UPF1: variants seen among roughly 807,000 people sequenced by gnomAD.
The protein encoded by UPF1 is UPF1 RNA helicase and ATPase, also known as regulator of nonsense transcripts 1.
A neutral mutation model predicts 129.2 loss-of-function variants in UPF1; 9 were observed. The ratio of observed to expected loss-of-function variants is 0.07; its 90% CI spans 0.04 to 0.12. The LOEUF is 0.12. Ranked by LOEUF, UPF1 falls within the 10% of genes least tolerant of loss-of-function variation. The pLI is 1.00. For missense variants in UPF1, 788 were observed against 1,525.3 expected, an observed-to-expected ratio of 0.52 and a Z score of 8.05; for synonymous variants, 649 against 644.9, an observed-to-expected ratio of 1.01 and a Z score of -0.10.
In UPF1 at chr19:18,856,316, G is replaced by C; in HGVS notation, c.1824+16G>C. On this transcript the variant is annotated intron_variant, in intron 13 of 23. Transcript: ENST00000262803. The stretch of plus-strand genomic sequence containing the variant: ...GCTGCTGATGGTGAGTGCCCCTCCT[G>C]CCTGCAAAAGGGCCTGTGGGCTGGC... 6.3e-7 allele frequency: 1 copy of C among 1,582,336 alleles called. No homozygotes were observed. The highest frequency in any genetic ancestry group is 1.1e-5 in the South Asian group (1 of 89,868).
At chr19:18,842,229 T>G (rs2055549579) in intron 1 of UPF1, among the ~76,000 whole-genome samples, 1 of 152,180 alleles carries the variant, frequency 6.6e-6, no homozygotes, top group Admixed American at 6.5e-5. Context: ...ACATCACAAA[T>G]CACGTGCAGT....
rs367793088 is a variant in UPF1 at position 18,854,569 on chromosome 19, T to C, written c.1157-32T>C. 3.4e-5 allele frequency: 53 copies of C among 1,573,580 alleles called. 1 individual carries two copies. The highest frequency in any genetic ancestry group is 4.6e-5 in the Non-Finnish European group (53 of 1,151,586). On this transcript the variant is annotated intron_variant, in intron 8 of 23. Transcript: ENST00000262803. ...GGCCCAGAAAGGTCAGCCCGGCTTT[T>C]GACAAGGATGCAAACTTAACTCAGC...
chr19:18,845,621 A>G (rs932243264), intron 1 of UPF1, among the ~76,000 whole-genome samples: 28 of 152,128 alleles, frequency 1.8e-4, no homozygotes, highest in African/African-American at 6.5e-4. Context: ...TGGCATCATG[A>G]AGCTGTCCTC....
rs2055861933 is a variant in UPF1 at position 18,867,272 on chromosome 19, C to T, written c.*755C>T. 1 of 150,690 alleles carries T rather than the reference C, an allele frequency of 6.6e-6. No individual in the cohort carries two copies. The highest frequency in any genetic ancestry group is 1.5e-5 in the Non-Finnish European group (1 of 66,994). The allele number at this position is 150,690 out of a possible 1,614,324, so 9.3% of individuals were successfully genotyped here. ...GGTTTTAGCTTCCAGTGGCTTCTTT[C>T]TGCGGGGCATCAGGCTGCTGGGGTA... On this transcript the variant is annotated 3_prime_UTR_variant, in exon 24 of 24. Coordinates refer to ENST00000262803, the MANE Select transcript of UPF1 (RefSeq NM_002911.4).
At chr19:18,861,872 C>G in intron 17 of UPF1, 138 bp from the exon 18 acceptor site, 1 of 1,134,676 alleles carries the variant, frequency 8.8e-7, no homozygotes. Flanking sequence ...CCAGGACAGC[C>G]CCTAGGTGCG....
intron 1 of UPF1, among the ~76,000 whole-genome samples, chr19:18,834,626 G>T (rs2055464118): frequency 6.6e-6 from 1 of 152,154 alleles, no homozygotes; most frequent in Admixed American, 6.5e-5. Flanking sequence ...CCTGTAATTT[G>T]GATTTGTTTG....
chr19:18,852,415 G>C, intron 6 of UPF1, 119 bp downstream of exon 6: 1 of 1,432,768 alleles, frequency 7.0e-7, no homozygotes, highest in Non-Finnish European at 9.4e-7. Context: ...CTGCAGCCGC[G>C]ACACCTGAGA....
chr19:18,841,387 A>C (rs1001282822), intron 1 of UPF1, among the ~76,000 whole-genome samples: 1 of 152,184 alleles, frequency 6.6e-6, no homozygotes, highest in African/African-American at 2.4e-5. Flanking sequence ...GAAGCAGAAA[A>C]GGGCGCCTGT....
At chr19:18,847,036 C>T (rs1249135187) in intron 2 of UPF1, among the ~76,000 whole-genome samples, 2 of 152,232 alleles carry the variant, frequency 1.3e-5, no homozygotes, top group African/African-American at 4.8e-5. Flanking sequence ...TTGGGGCCCT[C>T]CCTGCAGCTC....
chr19:18,860,502 C>CA, intron 16 of UPF1, 64 bp downstream of exon 16: 1 of 1,519,186 alleles, frequency 6.6e-7, no homozygotes, highest in Non-Finnish European at 9.1e-7. Context: ...GTTGTTGACC[C>CA]ATTCTACTTA....
Position 18,850,247 on chromosome 19 carries a change from G to C in UPF1, c.629+5G>C. The C allele has an allele frequency of 6.3e-7, 1 of 1,597,440 alleles. No individual in the cohort carries two copies. Among genetic ancestry groups the C allele is most frequent in the Non-Finnish European group, 8.5e-7 (1 of 1,171,472 alleles). On this transcript the variant is annotated splice_donor_5th_base_variant and intron_variant, in intron 4 of 23. Coordinates refer to ENST00000262803, the MANE Select transcript of UPF1 (RefSeq NM_002911.4). This position sits in a 1 kb window ranked among gnomAD's most constrained non-coding sequence, Gnocchi z 7.1. ...AGTGGTGGTGCTGCTGTGCAGGTGA[G>C]TGGTCCCCAGATGTCTCCTGGGGGT...
In UPF1 at chr19:18,850,962, G is replaced by A. The variant is rs1245762768; in HGVS notation, c.810+94G>A. 14 of 1,376,402 alleles carry A rather than the reference G, an allele frequency of 1.0e-5. No individual in the cohort carries two copies. The highest frequency in any genetic ancestry group is 3.1e-5 in the South Asian group (2 of 64,476). The allele number at this position is 1,376,402 out of a possible 1,614,324, so 85.3% of individuals were successfully genotyped here. On this transcript the variant is annotated intron_variant, in intron 5 of 23. Coordinates refer to ENST00000262803, the MANE Select transcript of UPF1 (RefSeq NM_002911.4). This position sits in a 1 kb window ranked among gnomAD's most constrained non-coding sequence, Gnocchi z 7.1. ...AGAGACGGCTTGACCCAGTGAGACC[G>A]CTGGAGATTCTCTGAAAGGAATTCA...
rs2055852619 is a variant in UPF1, at chr19:18,866,866, G to C, written c.*349G>C. 1 of 152,600 alleles carries C rather than the reference G, an allele frequency of 6.6e-6. No individual in the cohort carries two copies. Among genetic ancestry groups the C allele is most frequent in the African/African-American group, 2.4e-5 (1 of 41,456 alleles). The allele number at this position is 152,600 out of a possible 1,614,324, so 9.5% of individuals were successfully genotyped here. On this transcript the variant is annotated 3_prime_UTR_variant, in exon 24 of 24. Coordinates refer to ENST00000262803, the MANE Select transcript of UPF1 (RefSeq NM_002911.4). The stretch of plus-strand genomic sequence containing the variant: ...TGTTCTTTTATTTCTTTTTCTCTTT[G>C]ATTGAAAGGGGACTACGTCTTAGCA...
rs532249211 is a variant in UPF1 at position 18,835,102 on chromosome 19, G to T, written c.231+2662G>T. On this transcript the variant is annotated intron_variant, in intron 1 of 23. Transcript: ENST00000262803. ...AAACCCTGCACCCCTTAGCCCATCC[G>T]TCCTACCTCCACAGCCCCTGGCAAC... Among the ~76,000 whole-genome samples, 7 of 152,052 alleles carry T rather than the reference G, an allele frequency of 4.6e-5. No individual in the cohort carries two copies. In the South Asian group the frequency reaches 1.2e-3, roughly 27 times the overall value.
Position 18,832,536 on chromosome 19 carries a change from A to C in UPF1, c.231+96A>C, listed in dbSNP as rs1409872639. On this transcript the variant is annotated intron_variant, in intron 1 of 23. Transcript: ENST00000262803. The surrounding 1 kb of genome is among the most constrained non-coding windows in gnomAD (Gnocchi z 5.6). ...TCGGGCCCGGCCTGTGTTTGGCCGG[A>C]GTCCCCCATCGCGGCCGGGCCTGGG... 2 of 907,954 alleles carry C rather than the reference A, an allele frequency of 2.2e-6. No homozygotes were observed. Among genetic ancestry groups the C allele is most frequent in the African/African-American group, 3.6e-5 (2 of 55,742 alleles). 56.2% of individuals were successfully genotyped at this position (907,954 alleles called of 1,614,324 possible).
Position 18,864,154 on chromosome 19 carries a change from A to G in UPF1, c.2776-16A>G, listed in dbSNP as rs745698952. On this transcript the variant is annotated splice_polypyrimidine_tract_variant and intron_variant, in intron 19 of 23. Coordinates refer to ENST00000262803, the MANE Select transcript of UPF1 (RefSeq NM_002911.4). ...TGTTGAGATGACAAATTCCTCACCT[A>G]TCTAAACCTTCGCAGGGAGCCCGCT... 3.8e-5 allele frequency: 62 copies of G among 1,613,286 alleles called. No individual in the cohort carries two copies. In the South Asian group the frequency reaches 6.2e-4, roughly 16 times the overall value.
chr19:18,850,339 C>T lies in UPF1; in HGVS notation c.629+97C>T, dbSNP rs768404795. The T allele has an allele frequency of 2.9e-5, 43 of 1,460,880 alleles. No homozygotes were observed. The highest frequency in any genetic ancestry group is 3.0e-5 in the Non-Finnish European group (33 of 1,095,522). 90.5% of individuals were successfully genotyped at this position (1,460,880 alleles called of 1,614,324 possible). On this transcript the variant is annotated intron_variant, in intron 4 of 23. Coordinates refer to ENST00000262803, the MANE Select transcript of UPF1 (RefSeq NM_002911.4). This position sits in a 1 kb window ranked among gnomAD's most constrained non-coding sequence, Gnocchi z 7.1. ...GCCCAGCCCAGCCGTGGCTCTAACT[C>T]CAGGGAGTTGTCCTCCAAAGATGGT...
rs1184070867 is a variant in UPF1 at position 18,851,220 on chromosome 19, G to A, written c.810+352G>A. ...GAACCTGCCCAGACAGGTGGGCTGC[G>A]AGAATGTCCTGGGGAAATAGGTTGG... is the stretch of plus-strand genomic sequence containing the variant. On this transcript the variant is annotated intron_variant, in intron 5 of 23. Transcript: ENST00000262803. This position sits in a 1 kb window ranked among gnomAD's most constrained non-coding sequence, Gnocchi z 4.2. The A allele has an allele frequency of 5.4e-6, 1 of 184,708 alleles. No individual in the cohort carries two copies. Among genetic ancestry groups the A allele is most frequent in the East Asian group, 1.5e-4 (1 of 6,886 alleles). 11.4% of individuals were successfully genotyped at this position (184,708 alleles called of 1,614,324 possible). A position where few individuals can be genotyped will look rare whatever the true frequency, so the allele number is the denominator to read the frequency against.
At chr19:18,844,275 G>A (rs2055574629) in intron 1 of UPF1, among the ~76,000 whole-genome samples, 1 of 149,410 alleles carries the variant, frequency 6.7e-6, no homozygotes, top group Non-Finnish European at 1.5e-5. Flanking sequence ...AGAGGTGATG[G>A]GAGGAGCTGC....
Sources: gnomAD v4.1 joint callset for allele counts (sites outside exome capture counted in the v4.1 genomes callset) on GRCh38, gnomAD v4.1.1 for gene constraint, Gnocchi (gnomAD v3.1) non-coding constraint, MANE v1.5 for transcripts, NCBI Gene and HGNC (gene_info 2026-07-23, HGNC 2026-07-21) for gene names.